The following LRRC53 variants were observed in gnomAD, a reference collection of about 807,000 sequenced individuals.
LRRC53 encodes the protein leucine-rich repeat-containing protein 53.
A neutral mutation model predicts 13.6 loss-of-function variants in LRRC53; 25 were observed. The ratio of observed to expected loss-of-function variants is 1.83; its 90% CI spans 1.34 to 2.56. The LOEUF is 2.56. Among genes scored for constraint, LRRC53 ranks in the 30% most tolerant of loss-of-function variants. The pLI, the probability that LRRC53 is intolerant of heterozygous loss-of-function variation, is 0.00. For missense variants in LRRC53, 527 were observed against 275.8 expected (o/e 1.91, Z -6.45); for synonymous variants, 204 against 109.8 (o/e 1.86, Z -5.37).
chr1:74,472,278 T>G, intron 4 of LRRC53, 77 bp from the exon 5 acceptor site: 1 of 673,972 alleles, frequency 1.5e-6, no homozygotes, highest in Non-Finnish European at 2.7e-6. Context: ...GTAGAAACCT[T>G]ATGAAAAGTA....
At chr1:74,492,065 T>C (rs1480407546) in intron 1 of LRRC53, 1 of 1,483,578 alleles carries the variant, frequency 6.7e-7, no homozygotes, top group Non-Finnish European at 9.1e-7. Context: ...TTGGAAGTAT[T>C]AAACAATTGA....
chr1:74,475,699 G>T lies in LRRC53; in HGVS notation c.1016C>A (p.Pro339His), dbSNP rs1412253743. The part of the protein sequence containing the change: ...ENLCCRTFDE[P>H]LCAHEARNYH... ...ATTTCTTGCCTCATGAGCACACAGG[G>T]GTTCATCGAAGGTTCTGCAACAAAG... Residue 339 changes from proline to histidine, a missense_variant, in exon 4 of 5, where the codon CCC becomes CAC. Coordinates refer to ENST00000294635, the MANE Select transcript of LRRC53 (RefSeq NM_001382280.1). 5.7e-6 allele frequency: 4 copies of T among 707,022 alleles called. No individual in the cohort carries two copies. The highest frequency in any genetic ancestry group is 4.5e-5 in the South Asian group (3 of 66,398). 43.8% of individuals were successfully genotyped at this position (707,022 alleles called of 1,614,324 possible).
chr1:74,505,474 C>A (rs1485503581), intron 1 of LRRC53, among the ~76,000 whole-genome samples: 1 of 152,176 alleles, frequency 6.6e-6, no homozygotes, highest in African/African-American at 2.4e-5. Flanking sequence ...GATACAAGAG[C>A]AATGATTTCT....
At chr1:74,493,956 G>T (rs541713141) in intron 1 of LRRC53, among the ~76,000 whole-genome samples, 216 of 152,314 alleles carry the variant, frequency 1.4e-3, no homozygotes, top group Non-Finnish European at 5.4e-4. Context: ...ATGGGTAACT[G>T]GAGTGGGAAT....
intron 1 of LRRC53, among the ~76,000 whole-genome samples, chr1:74,502,663 T>C (rs1669694158): frequency 6.6e-6 from 1 of 152,236 alleles, no homozygotes; most frequent in Non-Finnish European, 1.5e-5. Flanking sequence ...TACTTCCCTC[T>C]GTCTATGGCC....
At position 74,492,088 on chromosome 1, in the gene LRRC53, TC is replaced by T. The variant is rs1284286985; in HGVS notation, c.-26-8714del. ...ATTAAACAATTGAAATTGCCCCTCCTCCACTCAGCTGATGTCTCCTGCATCA... is the reference window on the plus strand; with the variant it reads ...ATTAAACAATTGAAATTGCCCCTCCTCACTCAGCTGATGTCTCCTGCATCA... On this transcript the variant is annotated intron_variant, in intron 1 of 4. Coordinates refer to ENST00000294635, the MANE Select transcript of LRRC53 (RefSeq NM_001382280.1). 6.6e-6 allele frequency: 10 copies of T among 1,524,094 alleles called. No individual in the cohort carries two copies. Among genetic ancestry groups the T allele is most frequent in the Admixed American group, 3.6e-5 (2 of 55,968 alleles). The allele number at this position is 1,524,094 out of a possible 1,614,324, so 94.4% of individuals were successfully genotyped here.
upstream of LRRC53, among the ~76,000 whole-genome samples, chr1:74,514,931 T>C (rs1646327893): frequency 6.6e-6 from 1 of 152,100 alleles, no homozygotes; most frequent in South Asian, 2.1e-4. Context: ...TCAAGATGAC[T>C]TGTGTCTTTA....
At chr1:74,506,271 A>C (rs566207649) in intron 1 of LRRC53, among the ~76,000 whole-genome samples, 24 of 152,352 alleles carry the variant, frequency 1.6e-4, no homozygotes, top group African/African-American at 5.5e-4. Context: ...TGCCTGTCGT[A>C]GCACAGACTT....
At chr1:74,494,667 G>C (rs1669240378) in intron 1 of LRRC53, among the ~76,000 whole-genome samples, 1 of 152,224 alleles carries the variant, frequency 6.6e-6, no homozygotes, top group South Asian at 2.1e-4. Context: ...CAGAGGTTAA[G>C]AGGATGAGCT....
At chr1:74,523,110 C>T in the LRRC53 span, among the ~76,000 whole-genome samples, 603 of 152,306 alleles carry the variant, frequency 4.0e-3, 6 homozygotes, top group African/African-American at 0.014. Context: ...TCTTACAGGC[C>T]AGGTGACCTG....
chr1:74,486,669 G>C (rs1028923283), intron 1 of LRRC53, among the ~76,000 whole-genome samples: 1 of 151,702 alleles, frequency 6.6e-6, no homozygotes, highest in African/African-American at 2.4e-5. Context: ...ACATAAGACT[G>C]AATTAACTCC....
intron 1 of LRRC53, among the ~76,000 whole-genome samples, chr1:74,502,984 T>C (rs1669711137): frequency 6.6e-6 from 1 of 152,238 alleles, no homozygotes; most frequent in Non-Finnish European, 1.5e-5. Flanking sequence ...AAGTGACACT[T>C]GTGGACTAGC....
rs553768131 is a variant in LRRC53, at chr1:74,480,935, G to T, written c.122C>A (p.Thr41Asn). 1.1e-4 allele frequency: 82 copies of T among 717,040 alleles called. No homozygotes were observed. The African/African-American group carries it at 1.2e-3, about 11-fold the overall frequency. The allele number at this position is 717,040 out of a possible 1,614,324, so 44.4% of individuals were successfully genotyped here. The stretch of plus-strand genomic sequence containing the variant: ...CTCAATAGAGGAGAGATATCCATCG[G>T]TGATGATTAAAACCCTCGTGGTCAT... ...APMTTRVLII[T>N]DGYLSSIEST... Residue 41 changes from threonine to asparagine, a missense_variant, in exon 3 of 5, where the codon ACC becomes AAC. By Grantham distance (65) the Thr-to-Asn change is moderately conservative. Transcript: ENST00000294635.
chr1:74,511,126 T>C (rs1670194390), intron 1 of LRRC53, among the ~76,000 whole-genome samples: 1 of 151,954 alleles, frequency 6.6e-6, no homozygotes, highest in South Asian at 2.1e-4. Context: ...GGTGATCACC[T>C]CAGGTGATCC....
At chr1:74,504,411 C>T (rs1257578324) in intron 1 of LRRC53, among the ~76,000 whole-genome samples, 2 of 152,108 alleles carry the variant, frequency 1.3e-5, no homozygotes, top group African/African-American at 2.4e-5. Context: ...GGAGACTTCA[C>T]GCCGAACAAA....
chr1:74,523,459 T>C, the LRRC53 span, among the ~76,000 whole-genome samples: 1 of 152,206 alleles, frequency 6.6e-6, no homozygotes, highest in African/African-American at 2.4e-5. Context: ...TAATTTTCTT[T>C]TGAAATGCCC....
chr1:74,500,823 T>C (rs547322580), intron 1 of LRRC53, among the ~76,000 whole-genome samples: 2 of 152,044 alleles, frequency 1.3e-5, no homozygotes, highest in Admixed American at 1.3e-4. Flanking sequence ...TTGTTGCTGT[T>C]AAAATTTCAT....
Position 74,471,601 on chromosome 1 carries a change from A to G in LRRC53, c.2021T>C (p.Leu674Ser). The G allele has an allele frequency of 5.0e-6, 2 of 400,760 alleles. No individual in the cohort carries two copies. Among genetic ancestry groups the G allele is most frequent in the East Asian group, 3.6e-5 (1 of 28,068 alleles). 24.8% of individuals were successfully genotyped at this position (400,760 alleles called of 1,614,324 possible). Reference sequence around the variant, plus strand: ...AGTGTTGCTAAATTTTTTAACATCCAACTTAGTCAGTTGGTTACTTTGATT... The same window carrying G: ...AGTGTTGCTAAATTTTTTAACATCCGACTTAGTCAGTTGGTTACTTTGATT... ...QKNQSNQLTKLDVKKFSNTGE... is the reference protein window; with the variant it reads ...QKNQSNQLTKSDVKKFSNTGE... Residue 674 changes from leucine to serine, a missense_variant, in exon 5 of 5, where the codon TTG (leucine) becomes TCG (serine). Coordinates refer to ENST00000294635, the MANE Select transcript of LRRC53 (RefSeq NM_001382280.1).
intron 1 of LRRC53, among the ~76,000 whole-genome samples, chr1:74,506,734 G>A (rs993438253): frequency 2.0e-5 from 3 of 152,048 alleles, no homozygotes; most frequent in African/African-American, 7.2e-5. Context: ...CAATCTCTGG[G>A]GACCTTTTAG....
Sources: gnomAD v4.1 joint callset for allele counts (sites outside exome capture counted in the v4.1 genomes callset) on GRCh38, gnomAD v4.1.1 for gene constraint, MANE v1.5 for transcripts, NCBI Gene and HGNC (gene_info 2026-07-23, HGNC 2026-07-21) for gene names.